NRXN1: variants seen among roughly 807,000 people sequenced by gnomAD.
NRXN1 encodes neurexin-1.
In NRXN1, 39 loss-of-function variants were observed where a neutral mutation model predicts 150.9. That is an observed-to-expected ratio of 0.26 (90% CI 0.20 to 0.34). The LOEUF (loss-of-function observed/expected upper bound fraction) is 0.34. NRXN1 is among the 10% of genes least tolerant of loss of function. NRXN1 has a pLI of 1.00. For synonymous variants in NRXN1, 924 were observed against 757.0 expected (o/e 1.22, Z -3.62); for missense variants, 1,815 against 1,949.9 (o/e 0.93, Z 1.30).
At chr2:50,515,600 G>GGGGGGT (rs952552460) in intron 12 of NRXN1, among the ~76,000 whole-genome samples, 1 of 143,426 alleles carries the variant, frequency 7.0e-6, no homozygotes, top group African/African-American at 2.6e-5. Flanking sequence ...AAATGCTTGG[G>GGGGGGT]GTGTGTGTGT....
rs146670501 is a variant in NRXN1, at chr2:49,936,498, C to T, written c.4216+7206G>A. On this transcript the variant is annotated intron_variant, in intron 22 of 22. Transcript: ENST00000401669. ...AGCATTGTGTATGAATCCTCTTTTT[C>T]CAATCTCATAATTAACCGTATTCTC... is the stretch of plus-strand genomic sequence containing the variant. Among the ~76,000 whole-genome samples the T allele has an allele frequency of 3.9e-3, 588 of 152,176 alleles. 3 individuals carry two copies. The highest frequency in any genetic ancestry group is 0.014 in the African/African-American group (561 of 41,508).
chr2:49,995,532 A>T (rs1429419699), intron 21 of NRXN1, among the ~76,000 whole-genome samples: 1 of 152,108 alleles, frequency 6.6e-6, no homozygotes, highest in Non-Finnish European at 1.5e-5. Flanking sequence ...CTCTAATCCC[A>T]GCACTTTGGG....
chr2:50,725,324 G>A (rs1352885969), intron 5 of NRXN1, among the ~76,000 whole-genome samples: 1 of 150,918 alleles, frequency 6.6e-6, no homozygotes, highest in Non-Finnish European at 1.5e-5. Context: ...GTGTTTATAT[G>A]TGGAAAGTTT....
chr2:50,274,090 G>A (rs531579601), intron 17 of NRXN1, among the ~76,000 whole-genome samples: 6 of 152,154 alleles, frequency 3.9e-5, no homozygotes, highest in East Asian at 1.9e-4. Flanking sequence ...TGTTTATTGC[G>A]ACACTATTTA....
chr2:50,077,936 G>C (rs1263652507), intron 19 of NRXN1, among the ~76,000 whole-genome samples: 1 of 151,922 alleles, frequency 6.6e-6, no homozygotes, highest in East Asian at 1.9e-4. Context: ...TTTTAACACA[G>C]TTAAATTCAT....
intron 9 of NRXN1, among the ~76,000 whole-genome samples, chr2:50,549,223 T>C (rs1028976146): frequency 2.0e-5 from 3 of 152,144 alleles, no homozygotes; most frequent in African/African-American, 7.2e-5. Context: ...AGTATAGCCA[T>C]TCATTCAATT....
chr2:50,760,434 C>A (rs543955662), intron 5 of NRXN1, among the ~76,000 whole-genome samples: 6 of 151,938 alleles, frequency 3.9e-5, no homozygotes, highest in African/African-American at 1.2e-4. Context: ...AATCTTATTT[C>A]TTCTCAGACC....
At chr2:50,514,419 TA>T (rs2092565224) in intron 12 of NRXN1, among the ~76,000 whole-genome samples, 1 of 152,238 alleles carries the variant, frequency 6.6e-6, no homozygotes, top group Non-Finnish European at 1.5e-5. Context: ...GCTACTCATT[TA>T]TTCTGGGTTC....
intron 18 of NRXN1, among the ~76,000 whole-genome samples, chr2:50,235,592 G>T (rs1158612207): frequency 6.6e-6 from 1 of 152,054 alleles, no homozygotes; most frequent in African/African-American, 2.4e-5. Flanking sequence ...AAAAGTTTGT[G>T]CTAATGTACT....
intron 17 of NRXN1, among the ~76,000 whole-genome samples, chr2:50,252,327 T>A (rs541753753): frequency 1.3e-5 from 2 of 149,090 alleles, no homozygotes; most frequent in South Asian, 4.3e-4. Context: ...TGCGTGATCT[T>A]GGCTCACTGC....
intron 5 of NRXN1, among the ~76,000 whole-genome samples, chr2:50,867,021 A>G (rs1677032302): frequency 6.6e-6 from 1 of 151,808 alleles, no homozygotes; most frequent in Non-Finnish European, 1.5e-5. Context: ...CTACCTTCTC[A>G]ATTTTTCATT....
rs544369764 is a variant in NRXN1, at chr2:50,442,792, G to C, written c.3364+22650C>G. ...AACATCAACATTTAGGAGACAGGTA[G>C]AGCAGCAGAGTTGGTGGACACCTTG... On this transcript the variant is annotated intron_variant, in intron 17 of 22. Transcript: ENST00000401669. Among the ~76,000 whole-genome samples, 3 of 152,280 alleles carry C rather than the reference G, an allele frequency of 2.0e-5. No homozygotes were observed. In the East Asian group the frequency reaches 5.8e-4, roughly 29 times the overall value.
At chr2:50,851,663 G>A (rs1674535514) in intron 5 of NRXN1, among the ~76,000 whole-genome samples, 1 of 151,914 alleles carries the variant, frequency 6.6e-6, no homozygotes, top group Non-Finnish European at 1.5e-5. Flanking sequence ...AAAATAAACG[G>A]ATAAATTCCT....
intron 12 of NRXN1, among the ~76,000 whole-genome samples, chr2:50,519,441 G>A (rs1416975710): frequency 6.6e-6 from 1 of 151,892 alleles, no homozygotes; most frequent in Non-Finnish European, 1.5e-5. Context: ...GAAATGAATG[G>A]CTCACCTTAT....
intron 17 of NRXN1, among the ~76,000 whole-genome samples, chr2:50,427,888 T>C (rs764837774): frequency 6.6e-6 from 1 of 152,182 alleles, no homozygotes. Flanking sequence ...TTAGAGAGAA[T>C]CCTTAGATTT....
intron 5 of NRXN1, among the ~76,000 whole-genome samples, chr2:50,899,386 T>G (rs1450994349): frequency 6.6e-6 from 1 of 152,126 alleles, no homozygotes; most frequent in East Asian, 1.9e-4. Context: ...AGATGTGTCT[T>G]AAAAGGAGGG....
intron 2 of NRXN1, among the ~76,000 whole-genome samples, chr2:50,983,993 A>G (rs1697266335): frequency 6.6e-6 from 1 of 151,712 alleles, no homozygotes; most frequent in Admixed American, 6.6e-5. Flanking sequence ...TTTGAGACAG[A>G]GTCTTACTCT....
At chr2:50,914,287 A>G (rs1208725018) in intron 5 of NRXN1, among the ~76,000 whole-genome samples, 2 of 151,690 alleles carry the variant, frequency 1.3e-5, no homozygotes, top group African/African-American at 2.4e-5. Flanking sequence ...GAATGAATCA[A>G]TTTATATTTA....
intron 8 of NRXN1, chr2:50,615,844 C>G (rs1159535365): frequency 6.6e-6 from 1 of 152,070 alleles, no homozygotes; most frequent in Non-Finnish European, 1.5e-5. Flanking sequence ...TCAAAAACTG[C>G]TTGTTAGAAA....
Sources: gnomAD v4.1 joint callset for allele counts (sites outside exome capture counted in the v4.1 genomes callset) on GRCh38, gnomAD v4.1.1 for gene constraint, MANE v1.5 for transcripts, NCBI Gene and HGNC (gene_info 2026-07-23, HGNC 2026-07-21) for gene names.